The following ERC2 variants were observed in gnomAD, a reference collection of about 807,000 sequenced individuals.
ERC2 encodes ELKS/RAB6-interacting/CAST family member 2.
Under a neutral mutation model 114.8 loss-of-function variants are expected in ERC2, and 42 were observed. The observed-to-expected ratio is 0.37, with a 90% confidence interval of 0.29 to 0.47. The LOEUF (loss-of-function observed/expected upper bound fraction) is 0.47, where lower values mean the gene tolerates loss of function less well. Among genes scored for constraint, ERC2 ranks in the 20% least tolerant of loss-of-function variants. The probability of loss-of-function intolerance (pLI) is 0.99; values close to 1 mark genes in which losing one functional copy is unlikely to be tolerated. For missense variants in ERC2, 939 were observed against 1,150.7 expected (o/e 0.82, Z 2.66); for synonymous variants, 454 against 425.5 (o/e 1.07, Z -0.82).
chr3:55,634,495 T>TA (rs952193946), intron 17 of ERC2, among the ~76,000 whole-genome samples: 3 of 152,238 alleles, frequency 2.0e-5, no homozygotes, highest in South Asian at 2.1e-4. Context: ...GAATCTCTTC[T>TA]AAAAAAACGT....
chr3:56,139,765 C>A, intron 5 of ERC2, 89 bp from the exon 6 acceptor site: 1 of 1,378,312 alleles, frequency 7.3e-7, no homozygotes, highest in Non-Finnish European at 9.9e-7. Flanking sequence ...TCCATTTCAG[C>A]AGCCAGTGAT....
intron 14 of ERC2, among the ~76,000 whole-genome samples, chr3:55,832,327 C>G (rs1056312196): frequency 6.6e-6 from 1 of 152,240 alleles, no homozygotes; most frequent in Admixed American, 6.5e-5. Flanking sequence ...TGACCCCTGA[C>G]CCCTGAGCAG....
chr3:55,624,967 G>C (rs1162077186), intron 17 of ERC2, among the ~76,000 whole-genome samples: 4 of 152,086 alleles, frequency 2.6e-5, no homozygotes, highest in African/African-American at 9.7e-5. Flanking sequence ...GTAAATGGAG[G>C]CTTGTTTATT....
rs187354303 is a variant in ERC2, at chr3:55,652,596, G to A, written c.*39+31198C>T. Among the ~76,000 whole-genome samples, 13 of 152,232 alleles carry A rather than the reference G, an allele frequency of 8.5e-5. No homozygotes were observed. The South Asian group carries it at 2.3e-3, about 27-fold the overall frequency. On this transcript the variant is annotated intron_variant, in intron 17 of 17. Transcript: ENST00000288221. Reference sequence around the variant, plus strand: ...CCACCCAAAGAAGTGCACGTTGGCCGGGTGAGGTGGCTCATGCCTGTAATC... The same window carrying A: ...CCACCCAAAGAAGTGCACGTTGGCCAGGTGAGGTGGCTCATGCCTGTAATC...
At chr3:56,189,868 T>C (rs1248536353) in intron 3 of ERC2, among the ~76,000 whole-genome samples, 1 of 152,160 alleles carries the variant, frequency 6.6e-6, no homozygotes, top group Non-Finnish European at 1.5e-5. Context: ...TCCAAGCAAC[T>C]CTGGAATATT....
rs573077142 is a variant in ERC2 at position 56,298,371 on chromosome 3, G to A, written c.658-1936C>T. On this transcript the variant is annotated intron_variant, in intron 2 of 17. Transcript: ENST00000288221. Reference sequence around the variant, plus strand: ...ATGGCTGAATAATATTCCATTGAACGAATATACCACATTTTATGTATCCAT... The same window carrying A: ...ATGGCTGAATAATATTCCATTGAACAAATATACCACATTTTATGTATCCAT... Among the ~76,000 whole-genome samples, 49 of 152,168 alleles carry A rather than the reference G, an allele frequency of 3.2e-4. 1 individual carries two copies. Among genetic ancestry groups the A allele is most frequent in the South Asian group, 6.2e-4 (3 of 4,816 alleles).
intron 15 of ERC2, among the ~76,000 whole-genome samples, chr3:55,710,437 G>T (rs970759437): frequency 3.3e-5 from 5 of 152,062 alleles, no homozygotes; most frequent in African/African-American, 1.2e-4. Flanking sequence ...AAAGGATGAA[G>T]TTATACTCAA....
intron 3 of ERC2, among the ~76,000 whole-genome samples, chr3:56,259,269 G>A (rs2052746774): frequency 6.6e-6 from 1 of 151,962 alleles, no homozygotes; most frequent in African/African-American, 2.4e-5. Context: ...ACTGCCCCCA[G>A]CCCAAAAAAC....
chr3:56,348,676 G>A (rs1350161823), intron 2 of ERC2, among the ~76,000 whole-genome samples: 1 of 151,748 alleles, frequency 6.6e-6, no homozygotes, highest in African/African-American at 2.4e-5. Context: ...CATCCTGCCT[G>A]CATGCCCTCT....
intron 17 of ERC2, among the ~76,000 whole-genome samples, chr3:55,576,098 G>A (rs1395179885): frequency 6.6e-6 from 1 of 152,044 alleles, no homozygotes; most frequent in African/African-American, 2.4e-5. Flanking sequence ...ATCACCTGAG[G>A]TCAAGAGTTT....
intron 14 of ERC2, among the ~76,000 whole-genome samples, chr3:55,855,188 G>A (rs1008549022): frequency 1.3e-5 from 2 of 152,148 alleles, no homozygotes; most frequent in African/African-American, 4.8e-5. Flanking sequence ...ATGACTAAAA[G>A]GCATCTCAGA....
chr3:56,047,942 G>C (rs996846058), intron 7 of ERC2, among the ~76,000 whole-genome samples: 13 of 152,074 alleles, frequency 8.5e-5, no homozygotes, highest in Admixed American at 8.5e-4. Flanking sequence ...TATATTATAG[G>C]GCCCTAGATG....
At chr3:55,875,589 G>A (rs772806028) in intron 14 of ERC2, among the ~76,000 whole-genome samples, 4 of 151,926 alleles carry the variant, frequency 2.6e-5, no homozygotes, top group Admixed American at 6.6e-5. Flanking sequence ...TATAGTTCTC[G>A]ATCGCTTTGC....
intron 10 of ERC2, among the ~76,000 whole-genome samples, chr3:56,001,027 TA>T (rs5849122): frequency 0.5 from 74,540 of 150,092 alleles, 18,648 homozygotes; most frequent in Middle Eastern, 0.65. Context: ...TCTAATAATG[TA>T]AAAAAAAATA....
At chr3:55,780,713 C>T (rs970007540) in intron 14 of ERC2, among the ~76,000 whole-genome samples, 8 of 152,176 alleles carry the variant, frequency 5.3e-5, no homozygotes, top group Non-Finnish European at 8.8e-5. Flanking sequence ...CTGTGGCACA[C>T]GCCAATATTA....
At chr3:55,908,316 T>C (rs938163884) in intron 13 of ERC2, among the ~76,000 whole-genome samples, 3 of 152,178 alleles carry the variant, frequency 2.0e-5, no homozygotes, top group Non-Finnish European at 4.4e-5. Context: ...GGATCATGAA[T>C]GATCAGTTTT....
intron 6 of ERC2, among the ~76,000 whole-genome samples, chr3:56,113,411 T>C (rs762968233): frequency 2.0e-5 from 3 of 152,210 alleles, no homozygotes; most frequent in Non-Finnish European, 4.4e-5. Context: ...TCACGCTTGC[T>C]GTTGAGCAAG....
At chr3:56,173,888 A>G (rs2082823588) in intron 3 of ERC2, 2 of 185,204 alleles carry the variant, frequency 1.1e-5, no homozygotes, top group Non-Finnish European at 2.2e-5. Context: ...AAGGAAACAG[A>G]GGAAAGAAAA....
chr3:55,800,390 C>T (rs2070946659), intron 14 of ERC2, among the ~76,000 whole-genome samples: 1 of 152,106 alleles, frequency 6.6e-6, no homozygotes, highest in Non-Finnish European at 1.5e-5. Context: ...GATCCACCTG[C>T]CTCGGCCTAC....
Sources: gnomAD v4.1 joint callset for allele counts (sites outside exome capture counted in the v4.1 genomes callset) on GRCh38, gnomAD v4.1.1 for gene constraint, MANE v1.5 for transcripts, NCBI Gene and HGNC (gene_info 2026-07-23, HGNC 2026-07-21) for gene names.